The following PAN2 variants were observed in gnomAD, a reference collection of about 807,000 sequenced individuals.
The protein encoded by PAN2 is PAN2-PAN3 deadenylation complex catalytic subunit PAN2.
A neutral mutation model predicts 133.3 loss-of-function variants in PAN2; 68 were observed. That is an observed-to-expected ratio of 0.51 (90% CI 0.42 to 0.62). The LOEUF (loss-of-function observed/expected upper bound fraction) is 0.62. Ranked by LOEUF, PAN2 falls within the 20% of genes least tolerant of loss-of-function variation. The pLI is 0.00. For synonymous variants in PAN2, 462 were observed against 544.6 expected, an observed-to-expected ratio of 0.85 and a Z score of 2.11; for missense variants, 1,042 against 1,500.5, an observed-to-expected ratio of 0.69 and a Z score of 5.05.
chr12:56,317,547 C>T lies in PAN2; in HGVS notation c.*62G>A. 1 of 1,464,618 alleles carries T rather than the reference C, an allele frequency of 6.8e-7. No homozygotes were observed. The highest frequency in any genetic ancestry group is 9.6e-7 in the Non-Finnish European group (1 of 1,045,956). 90.7% of individuals were successfully genotyped at this position (1,464,618 alleles called of 1,614,324 possible). A position where few individuals can be genotyped will look rare whatever the true frequency, so the allele number is the denominator to read the frequency against. On this transcript the variant is annotated 3_prime_UTR_variant, in exon 26 of 26. Coordinates refer to ENST00000440411, the MANE Select transcript of PAN2 (RefSeq NM_014871.6). Reference sequence around the variant, plus strand: ...AGGTATAGCCAACTTAGGAAGCCATCTCCCAGTTCTGGGGCTATAGAACAG... The same window carrying T: ...AGGTATAGCCAACTTAGGAAGCCATTTCCCAGTTCTGGGGCTATAGAACAG...
At chr12:56,323,432 A>G (rs778377513) in intron 15 of PAN2, 48 bp from the exon 16 acceptor site, 1 of 1,610,230 alleles carries the variant, frequency 6.2e-7, no homozygotes, top group South Asian at 1.1e-5. Context: ...GTAATCATAT[A>G]TGGAGGTCAG....
chr12:56,326,577 C>T (rs745588271), intron 7 of PAN2, 40 bp downstream of exon 7: 2 of 1,566,738 alleles, frequency 1.3e-6, no homozygotes, highest in Non-Finnish European at 8.7e-7. Flanking sequence ...TGGCCCTTTC[C>T]CTGTCCCTCC....
Position 56,333,063 on chromosome 12 carries a change from G to A in PAN2, c.32C>T (p.Ala11Val), listed in dbSNP as rs1178497925. MNFEGLDPGL[A>V]EYAPAMHSAL... is the part of the protein sequence containing the mutation. ...AGAATGCATGGCTGGGGCATATTCT[G>A]CCAGTCCAGGGTCCAGACCCTCAAA... Residue 11 changes from alanine (A) to valine (V), a missense_variant, in exon 2 of 26, where the codon GCA (alanine) becomes GTA (valine). This residue lies in a region of PAN2 where 908 missense variants were observed against 1,223.5 expected (regional missense o/e 0.74). Coordinates refer to ENST00000440411, the MANE Select transcript of PAN2 (RefSeq NM_014871.6). 1.2e-6 allele frequency: 2 copies of A among 1,614,118 alleles called. No homozygotes were observed. The highest frequency in any genetic ancestry group is 1.7e-6 in the Non-Finnish European group (2 of 1,180,024).
chr12:56,329,935 T>G (rs143405823), intron 2 of PAN2, among the ~76,000 whole-genome samples: 1 of 95,056 alleles, frequency 1.1e-5, no homozygotes, highest in Admixed American at 1.3e-4. Context: ...CAGAGTGAGA[T>G]TCCACCTAAA....
intron 20 of PAN2, 24 bp from the exon 21 acceptor site, chr12:56,320,045 A>G (rs1874303036): frequency 1.2e-6 from 2 of 1,613,422 alleles, no homozygotes; most frequent in Non-Finnish European, 1.7e-6. Flanking sequence ...TGCAGAGGAC[A>G]CAGGGCTTGG....
In PAN2 at chr12:56,319,027, T is replaced by G. The variant is rs1485958745; in HGVS notation, c.3364+61A>C. On this transcript the variant is annotated intron_variant, in intron 24 of 25. Coordinates refer to ENST00000440411, the MANE Select transcript of PAN2 (RefSeq NM_014871.6). The surrounding 1 kb of genome is among the most constrained non-coding windows in gnomAD (Gnocchi z 5.4). ...TTGCCGCAAAGAACATGATTTCTTTTTTTTTAAATGGCTGCTTCTGCTATT... is the reference window on the plus strand; with the variant it reads ...TTGCCGCAAAGAACATGATTTCTTTGTTTTTAAATGGCTGCTTCTGCTATT... The G allele has an allele frequency of 1.3e-6, 2 of 1,525,518 alleles. No homozygotes were observed. Among genetic ancestry groups the G allele is most frequent in the Admixed American group, 1.7e-5 (1 of 59,322 alleles). The allele number at this position is 1,525,518 out of a possible 1,614,324, so 94.5% of individuals were successfully genotyped here. A position where few individuals can be genotyped will look rare whatever the true frequency, so the allele number is the denominator to read the frequency against.
At position 56,326,703 on chromosome 12, in the gene PAN2, C is replaced by A. The variant is rs1189659670; in HGVS notation, c.1176G>T (p.Leu392=). ...SLPPLDWSQD[L]LPLSLIPVPL... ...GGACAGGGATGAGGGAAAGAGGCAG[C>A]AGGTCCTGGCTCCAGTCCAGAGGAG... The change falls in exon 7 of 26, where the codon CTG becomes CTT. Residue 392 remains leucine, a synonymous_variant. Coordinates refer to ENST00000440411, the MANE Select transcript of PAN2 (RefSeq NM_014871.6). 1 of 1,613,900 alleles carries A rather than the reference C, an allele frequency of 6.2e-7. No homozygotes were observed. Among genetic ancestry groups the A allele is most frequent in the Admixed American group, 1.7e-5 (1 of 59,992 alleles).
At chr12:56,332,618 A>AG in intron 2 of PAN2, 195 bp downstream of exon 2, 1 of 571,286 alleles carries the variant, frequency 1.8e-6, no homozygotes, top group South Asian at 2.3e-5. Flanking sequence ...AAAAAAAAAA[A>AG]AGGGATGCCT....
At chr12:56,327,048 G>C (rs139722103) in intron 6 of PAN2, 89 bp from the exon 7 acceptor site, 130 of 1,109,418 alleles carry the variant, frequency 1.2e-4, no homozygotes, top group Admixed American at 1.9e-4. Flanking sequence ...CCTGATTTCA[G>C]GACAAGATGG....
chr12:56,328,882 C>T (rs1688826139), intron 2 of PAN2, among the ~76,000 whole-genome samples: 2 of 152,176 alleles, frequency 1.3e-5, no homozygotes, highest in Non-Finnish European at 2.9e-5. Context: ...TCATTTTGTC[C>T]TCACAATGAC....
At chr12:56,327,315 C>T (rs1379130658) in intron 6 of PAN2, 49 bp downstream of exon 6, 16 of 1,592,330 alleles carry the variant, frequency 1.0e-5, no homozygotes, top group Non-Finnish European at 1.4e-5. Context: ...GGTTCTAGCT[C>T]TCCTTTGCTC....
At position 56,319,784 on chromosome 12, in the gene PAN2, A is replaced by G; in HGVS notation, c.2947-20T>C. On this transcript the variant is annotated intron_variant, in intron 21 of 25. Coordinates refer to ENST00000440411, the MANE Select transcript of PAN2 (RefSeq NM_014871.6). This position sits in a 1 kb window ranked among gnomAD's most constrained non-coding sequence, Gnocchi z 5.4. ...TTCCTCCTACATGAGAAGAGTTAAT[A>G]AGGAAATCAGAGAAATGCTTACAAC... is the stretch of plus-strand genomic sequence containing the variant. 2 of 1,612,304 alleles carry G rather than the reference A, an allele frequency of 1.2e-6. No individual in the cohort carries two copies. The highest frequency in any genetic ancestry group is 3.3e-5 in the Admixed American group (2 of 59,808).
intron 17 of PAN2, 134 bp downstream of exon 17, chr12:56,322,928 C>A: frequency 7.6e-7 from 1 of 1,309,516 alleles, no homozygotes. Context: ...TATGGAAAAT[C>A]CCCTAACAGG....
At chr12:56,320,153 G>A in intron 20 of PAN2, 132 bp from the exon 21 acceptor site, 2 of 761,312 alleles carry the variant, frequency 2.6e-6, no homozygotes, top group South Asian at 1.8e-5. Context: ...TGAGAAAAAA[G>A]ATCATGTCTG....
At chr12:56,324,755 G>A in intron 10 of PAN2, 46 bp from the exon 11 acceptor site, 5 of 1,589,040 alleles carry the variant, frequency 3.1e-6, no homozygotes, top group Non-Finnish European at 4.3e-6. Flanking sequence ...TGGCCTGGGG[G>A]TGAGGAGAAA....
At chr12:56,322,000 T>G (rs1874603220) in intron 20 of PAN2, 78 bp downstream of exon 20, 1 of 724,450 alleles carries the variant, frequency 1.4e-6, no homozygotes, top group Admixed American at 2.2e-5. Context: ...CCTAAGTACT[T>G]GCAAGCAATG....
rs763873916 is a variant in PAN2, at chr12:56,327,592, C to T, written c.691G>A (p.Glu231Lys). 20 of 1,614,092 alleles carry T rather than the reference C, an allele frequency of 1.2e-5. No homozygotes were observed. In the East Asian group the frequency reaches 4.2e-4, roughly 34 times the overall value. Reference sequence around the variant, plus strand: ...AGACTTCCTGAGAAGGCATCAAACTCATGTTCCACCTTAAAAGTACGGAGG... The same window carrying T: ...AGACTTCCTGAGAAGGCATCAAACTTATGTTCCACCTTAAAAGTACGGAGG... ...RDLRTFKVEH[E>K]FDAFSGSLSD... Residue 231 changes from glutamate to lysine, a missense_variant, in exon 6 of 26, where the codon GAG becomes AAG. Glu to Lys is a moderately conservative substitution (Grantham distance 56). Coordinates refer to ENST00000440411, the MANE Select transcript of PAN2 (RefSeq NM_014871.6).
chr12:56,317,605 G>T lies in PAN2; in HGVS notation c.*4C>A. 1 of 1,612,838 alleles carries T rather than the reference G, an allele frequency of 6.2e-7. No individual in the cohort carries two copies. Among genetic ancestry groups the T allele is most frequent in the Non-Finnish European group, 8.5e-7 (1 of 1,178,912 alleles). ...AGAGGGCCGTGGTTCTTTGGGAAGGGTAGTCAGAGCGCCAGCACTGAGGAG... is the reference window on the plus strand; with the variant it reads ...AGAGGGCCGTGGTTCTTTGGGAAGGTTAGTCAGAGCGCCAGCACTGAGGAG... On this transcript the variant is annotated 3_prime_UTR_variant, in exon 26 of 26. Transcript: ENST00000440411.
Position 56,324,091 on chromosome 12 carries a change from G to A in PAN2, c.2023C>T (p.Arg675Ter). The stretch of plus-strand genomic sequence containing the variant: ...GTGAAAAGCAGAGTGGATGAGGCTC[G>A]CACGGTCTCACTGCCACAGCGGCAG... ...SLCRCGSETV[R>*]ASSTLLFTLS... Residue 675 changes from arginine to a stop codon, truncating the protein, a stop_gained, in exon 13 of 26, where the codon CGA becomes TGA. Transcript: ENST00000440411. LOFTEE classifies it high-confidence loss of function. The A allele has an allele frequency of 1.9e-6, 3 of 1,614,102 alleles. No individual in the cohort carries two copies. Among genetic ancestry groups the A allele is most frequent in the East Asian group, 2.2e-5 (1 of 44,874 alleles).
Sources: gnomAD v4.1 joint callset for allele counts (sites outside exome capture counted in the v4.1 genomes callset) on GRCh38, gnomAD v4.1.1 for gene constraint, gnomAD v4.1.1 regional missense constraint, Gnocchi (gnomAD v3.1) non-coding constraint, MANE v1.5 for transcripts, NCBI Gene and HGNC (gene_info 2026-07-23, HGNC 2026-07-21) for gene names.